Variants in UBE3D observed in about 807,000 individuals in gnomAD.
UBE3D encodes E3 ubiquitin-protein ligase E3D.
A neutral mutation model predicts 49.6 loss-of-function variants in UBE3D; 48 were observed. That is an observed-to-expected ratio of 0.97 (90% CI 0.77 to 1.23). The LOEUF is 1.23. UBE3D is among the 50% of genes most tolerant of loss of function. UBE3D has a pLI of 0.00. For synonymous variants in UBE3D, 189 were observed against 174.2 expected, an observed-to-expected ratio of 1.08 and a Z score of -0.67; for missense variants, 452 against 468.4, an observed-to-expected ratio of 0.96 and a Z score of 0.32.
At chr6:83,044,883 G>A (rs897950903) in intron 3 of UBE3D, among the ~76,000 whole-genome samples, 14 of 152,058 alleles carry the variant, frequency 9.2e-5, no homozygotes, top group Admixed American at 9.2e-4. Flanking sequence ...CCAGAGATAA[G>A]TAACTAAACA....
chr6:83,040,314 G>T (rs1361020770), intron 4 of UBE3D, among the ~76,000 whole-genome samples: 1 of 151,952 alleles, frequency 6.6e-6, no homozygotes, highest in East Asian at 1.9e-4. Flanking sequence ...AACCCGGGAG[G>T]GGAAGGTTGC....
At chr6:82,903,911 T>G (rs183921600) in intron 9 of UBE3D, among the ~76,000 whole-genome samples, 105 of 152,054 alleles carry the variant, frequency 6.9e-4, no homozygotes, top group African/African-American at 2.5e-3. Context: ...AAGCCTTGGG[T>G]TTTTTACTTT....
intron 8 of UBE3D, among the ~76,000 whole-genome samples, chr6:82,989,824 A>G (rs1468467986): frequency 6.6e-6 from 1 of 152,166 alleles, no homozygotes; most frequent in Non-Finnish European, 1.5e-5. Flanking sequence ...GCTTCCCTCA[A>G]TGAAACCTTT....
chr6:82,948,236 G>A (rs1171711235), intron 9 of UBE3D, among the ~76,000 whole-genome samples: 1 of 151,892 alleles, frequency 6.6e-6, no homozygotes, highest in Non-Finnish European at 1.5e-5. Flanking sequence ...GATCATTAAT[G>A]GCTACTATGA....
At chr6:82,905,405 C>T (rs1772027831) in intron 9 of UBE3D, among the ~76,000 whole-genome samples, 1 of 152,084 alleles carries the variant, frequency 6.6e-6, no homozygotes, top group African/African-American at 2.4e-5. Context: ...TGGGGCACCA[C>T]AAATCATGCC....
intron 4 of UBE3D, 64 bp downstream of exon 4, chr6:83,044,364 G>C: frequency 6.7e-7 from 1 of 1,494,108 alleles, no homozygotes; most frequent in Non-Finnish European, 9.2e-7. Flanking sequence ...ATTAGGAAAA[G>C]ATTGAAGAAG....
intron 5 of UBE3D, among the ~76,000 whole-genome samples, chr6:83,025,045 T>C (rs981775812): frequency 1.3e-5 from 2 of 152,210 alleles, no homozygotes. Flanking sequence ...GCTTGCTATC[T>C]AATTCACTTC....
At chr6:82,991,815 C>T (rs1227205701) in intron 8 of UBE3D, among the ~76,000 whole-genome samples, 1 of 152,062 alleles carries the variant, frequency 6.6e-6, no homozygotes, top group Non-Finnish European at 1.5e-5. Flanking sequence ...CAGATTTTCC[C>T]CTTAAGGTTT....
intron 9 of UBE3D, among the ~76,000 whole-genome samples, chr6:82,940,338 G>C (rs947447149): frequency 6.6e-6 from 1 of 152,220 alleles, no homozygotes; most frequent in Non-Finnish European, 1.5e-5. Flanking sequence ...AAATTGCTGA[G>C]GCAATTCTCA....
chr6:83,056,502 T>G (rs1783824042), intron 2 of UBE3D, among the ~76,000 whole-genome samples: 1 of 152,204 alleles, frequency 6.6e-6, no homozygotes, highest in Non-Finnish European at 1.5e-5. Context: ...GACCCTAACC[T>G]TCTTGCTATG....
At chr6:82,917,362 T>C (rs970084460) in intron 9 of UBE3D, among the ~76,000 whole-genome samples, 3 of 151,730 alleles carry the variant, frequency 2.0e-5, no homozygotes, top group Admixed American at 6.6e-5. Flanking sequence ...ACCCAAAACA[T>C]GCATGCTAGA....
chr6:82,923,933 C>T (rs1170516260), intron 9 of UBE3D, among the ~76,000 whole-genome samples: 2 of 151,864 alleles, frequency 1.3e-5, no homozygotes, highest in Non-Finnish European at 2.9e-5. Context: ...TTGGAAAAGC[C>T]TAGAGTCAAA....
At chr6:82,918,319 C>A (rs1270330169) in intron 9 of UBE3D, among the ~76,000 whole-genome samples, 1 of 151,450 alleles carries the variant, frequency 6.6e-6, no homozygotes, top group Non-Finnish European at 1.5e-5. Flanking sequence ...TAAACCCTTT[C>A]ATTTCCTGAA....
chr6:82,967,921 G>A (rs1038419182), intron 8 of UBE3D, among the ~76,000 whole-genome samples: 5 of 152,104 alleles, frequency 3.3e-5, no homozygotes, highest in Admixed American at 3.3e-4. Flanking sequence ...GCAATTACAG[G>A]CTACTCAACT....
chr6:82,966,302 C>T (rs1437096119), intron 8 of UBE3D, among the ~76,000 whole-genome samples: 3 of 151,874 alleles, frequency 2.0e-5, no homozygotes, highest in African/African-American at 7.3e-5. Context: ...TTTAGGGAGA[C>T]GGAAATATTC....
intron 4 of UBE3D, 147 bp from the exon 5 acceptor site, chr6:83,038,632 C>A: frequency 1.5e-6 from 1 of 662,346 alleles, no homozygotes. Context: ...AGCTTGTATG[C>A]ATAATTCACA....
At chr6:83,040,230 A>G (rs1419262468) in intron 4 of UBE3D, among the ~76,000 whole-genome samples, 7 of 152,000 alleles carry the variant, frequency 4.6e-5, no homozygotes, top group Non-Finnish European at 8.8e-5. Flanking sequence ...CTAAAAATAT[A>G]AAAATTAGCT....
chr6:83,007,559 A>G (rs930401475), intron 8 of UBE3D, among the ~76,000 whole-genome samples: 3 of 152,256 alleles, frequency 2.0e-5, no homozygotes, highest in Admixed American at 2.0e-4. Context: ...CATATTTCCA[A>G]AACAGAAAAA....
chr6:83,053,999 T>G lies in UBE3D; in HGVS notation c.365+149A>C, dbSNP rs990156631. On this transcript the variant is annotated intron_variant, in intron 3 of 9. Coordinates refer to ENST00000369747, the MANE Select transcript of UBE3D (RefSeq NM_198920.3). ...TCACTCTGCGATTGCTAGCAAGTTT[T>G]GTGGCTAATTTTGTTCAAAGTGACA... 4.8e-6 allele frequency: 3 copies of G among 625,242 alleles called. No homozygotes were observed. In the African/African-American group the frequency reaches 5.5e-5, roughly 12 times the overall value. 38.7% of individuals were successfully genotyped at this position (625,242 alleles called of 1,614,324 possible).
Sources: allele counts gnomAD v4.1 joint callset (sites outside exome capture counted in the v4.1 genomes callset), GRCh38; gene constraint gnomAD v4.1.1; transcripts MANE v1.5; gene names NCBI Gene and HGNC (gene_info 2026-07-23, HGNC 2026-07-21).